Variants in WWC2 observed in about 807,000 individuals in gnomAD.
WWC2 encodes protein WWC2.
A neutral mutation model predicts 138.5 loss-of-function variants in WWC2; 101 were observed. That is an observed-to-expected ratio of 0.73 (90% CI 0.62 to 0.86). The LOEUF (loss-of-function observed/expected upper bound fraction) is 0.86, where lower values mean the gene tolerates loss of function less well. Ranked by LOEUF, WWC2 falls within the 40% of genes least tolerant of loss-of-function variation. The pLI is 0.00. For missense variants in WWC2, 1,420 were observed against 1,419.4 expected, an observed-to-expected ratio of 1.00 and a Z score of -0.01; for synonymous variants, 558 against 538.4, an observed-to-expected ratio of 1.04 and a Z score of -0.50.
At chr4:183,139,984 G>A (rs993697695) in intron 1 of WWC2, among the ~76,000 whole-genome samples, 22 of 152,056 alleles carry the variant, frequency 1.4e-4, no homozygotes, top group African/African-American at 4.8e-5. Context: ...GGCCAATTTC[G>A]TATTTTTAGT....
At chr4:183,134,506 A>G (rs1178055417) in intron 1 of WWC2, among the ~76,000 whole-genome samples, 2 of 152,078 alleles carry the variant, frequency 1.3e-5, no homozygotes, top group Admixed American at 1.3e-4. Flanking sequence ...ATTTTCTTTT[A>G]CCCCTAACTA....
At chr4:183,105,780 C>G (rs1743333536) in intron 1 of WWC2, among the ~76,000 whole-genome samples, 2 of 151,800 alleles carry the variant, frequency 1.3e-5, no homozygotes, top group East Asian at 3.9e-4. Context: ...GTCCCAGCTA[C>G]TTGGGTGGCT....
At chr4:183,247,648 C>CTATATATACTATATACTA (rs1436358243) in intron 6 of WWC2, among the ~76,000 whole-genome samples, 1 of 128,580 alleles carries the variant, frequency 7.8e-6, no homozygotes, top group African/African-American at 3.4e-5. Context: ...ACTATATATA[C>CTATATATACTATATACTA]TATATACTAT....
rs1560843941 is a variant in WWC2, at chr4:183,208,930, T to C, written c.446-19T>C. ...ATGCAACTTGTAAATAATTAGTTTTTCTTTTTTCTCTATAAAAGTATTCTC... is the reference window on the plus strand; with the variant it reads ...ATGCAACTTGTAAATAATTAGTTTTCCTTTTTTCTCTATAAAAGTATTCTC... On this transcript the variant is annotated intron_variant, in intron 3 of 22. Transcript: ENST00000403733. The C allele has an allele frequency of 1.3e-6, 2 of 1,498,330 alleles. No homozygotes were observed. The highest frequency in any genetic ancestry group is 1.8e-6 in the Non-Finnish European group (2 of 1,102,458). 92.8% of individuals were successfully genotyped at this position (1,498,330 alleles called of 1,614,324 possible). A position where few individuals can be genotyped will look rare whatever the true frequency, so the allele number is the denominator to read the frequency against.
intron 21 of WWC2, among the ~76,000 whole-genome samples, chr4:183,311,069 T>C (rs10007560): frequency 0.8 from 121,103 of 152,042 alleles, 48,658 homozygotes; most frequent in Middle Eastern, 0.88. Context: ...TGACCCCAGG[T>C]TGTATGACCT....
intron 5 of WWC2, 119 bp downstream of exon 5, chr4:183,240,381 T>A: frequency 1.3e-5 from 8 of 627,038 alleles, no homozygotes; most frequent in South Asian, 5.2e-5. Flanking sequence ...GTAAAAAAGT[T>A]CAGAGCTCTA....
rs761158053 is a variant in WWC2, at chr4:183,269,118, G to A, written c.2355G>A (p.Arg785=). The change falls in exon 15 of 23, where the codon AGG becomes AGA. Residue 785 remains arginine (R), a synonymous_variant. Transcript: ENST00000403733. ...SQTALQQKTL[R]VDLCSVSKHR... is the part of the protein sequence containing the mutation. ...CAGCCTTACAACAGAAGACACTGAG[G>A]GTAGACCTTTGCTCTGTCAGTAAAC... 1.6e-5 allele frequency: 26 copies of A among 1,613,750 alleles called. No individual in the cohort carries two copies. In the South Asian group the frequency reaches 2.9e-4, roughly 18 times the overall value.
intron 1 of WWC2, among the ~76,000 whole-genome samples, chr4:183,187,170 A>T (rs1445337147): frequency 1.3e-5 from 2 of 152,102 alleles, no homozygotes; most frequent in African/African-American, 4.8e-5. Context: ...CACAGACAGG[A>T]TCTAAAACAC....
rs150395822 is a variant in WWC2 at position 183,298,241 on chromosome 4, T to A, written c.3384+8606T>A. On this transcript the variant is annotated intron_variant, in intron 21 of 22. Coordinates refer to ENST00000403733, the MANE Select transcript of WWC2 (RefSeq NM_024949.6). ...TATTCAGCTTTCTCCATGCCATAGC[T>A]ATTGTTTTTCTAGATCACTACTGTG... Among the ~76,000 whole-genome samples the A allele has an allele frequency of 1.8e-3, 269 of 152,358 alleles. 2 individuals carry two copies. Among genetic ancestry groups the A allele is most frequent in the African/African-American group, 6.2e-3 (256 of 41,580 alleles).
chr4:183,301,615 TAAAG>T (rs1310720145), intron 21 of WWC2, among the ~76,000 whole-genome samples: 4 of 152,222 alleles, frequency 2.6e-5, no homozygotes, highest in African/African-American at 9.6e-5. Flanking sequence ...ATTTGCTGAA[TAAAG>T]AGTTTTCATA....
chr4:183,268,375 G>T (rs1737576599), intron 14 of WWC2, among the ~76,000 whole-genome samples: 1 of 152,182 alleles, frequency 6.6e-6, no homozygotes, highest in Non-Finnish European at 1.5e-5. Context: ...CAAAGCACGG[G>T]ACTCTTAAAA....
In WWC2 at chr4:183,312,400, A is replaced by T; in HGVS notation, c.3444A>T (p.Gln1148His). The change falls in exon 22 of 23, where the codon CAA (glutamine) becomes CAT (histidine). Residue 1148 changes from glutamine (Q) to histidine (H), a missense_variant. Transcript: ENST00000403733. Reference protein sequence around the residue: ...QGLNAEKLMRQVSKDVCRLRE... With the variant: ...QGLNAEKLMRHVSKDVCRLRE... ...TGAATGCAGAGAAGTTGATGAGGCA[A>T]GTCTCCAAGGACGTGTGTCGGCTCC... The T allele has an allele frequency of 6.2e-7, 1 of 1,613,840 alleles. No individual in the cohort carries two copies. The highest frequency in any genetic ancestry group is 8.5e-7 in the Non-Finnish European group (1 of 1,179,784).
chr4:183,233,627 AT>A (rs1253095693), intron 4 of WWC2: 1 of 152,172 alleles, frequency 6.6e-6, no homozygotes, highest in African/African-American at 2.4e-5. Flanking sequence ...AAAAAAAATA[AT>A]TGTGTTTAGC....
At chr4:183,184,668 A>G (rs1186074911) in intron 1 of WWC2, among the ~76,000 whole-genome samples, 1 of 152,138 alleles carries the variant, frequency 6.6e-6, no homozygotes, top group Non-Finnish European at 1.5e-5. Flanking sequence ...TTTTTTAATG[A>G]TAGCCATCAT....
chr4:183,171,754 G>C (rs966400598), intron 1 of WWC2, among the ~76,000 whole-genome samples: 1 of 152,166 alleles, frequency 6.6e-6, no homozygotes, highest in African/African-American at 2.4e-5. Context: ...ATATTTAAAA[G>C]TTTCTTTTGG....
chr4:183,240,168 G>C lies in WWC2; in HGVS notation c.523-15G>C. The C allele has an allele frequency of 7.8e-6, 12 of 1,530,538 alleles. No homozygotes were observed. Among genetic ancestry groups the C allele is most frequent in the East Asian group, 2.5e-5 (1 of 40,696 alleles). The allele number at this position is 1,530,538 out of a possible 1,614,324, so 94.8% of individuals were successfully genotyped here. On this transcript the variant is annotated splice_polypyrimidine_tract_variant and intron_variant, in intron 4 of 22. Transcript: ENST00000403733. ...ATCTGCAAACATTAATGTTTATGTT[G>C]ATTTCTCTTTAAAGGTTAAAAAGCT...
At chr4:183,183,240 A>G (rs1203892970) in intron 1 of WWC2, among the ~76,000 whole-genome samples, 1 of 152,298 alleles carries the variant, frequency 6.6e-6, no homozygotes, top group South Asian at 2.1e-4. Flanking sequence ...TTGCATAGGT[A>G]AACGTGTGCC....
chr4:183,157,962 A>T (rs1733854574), intron 1 of WWC2, among the ~76,000 whole-genome samples: 1 of 151,892 alleles, frequency 6.6e-6, no homozygotes, highest in African/African-American at 2.4e-5. Context: ...CCCAAGGTGT[A>T]TTTTTAAGTT....
intron 1 of WWC2, among the ~76,000 whole-genome samples, chr4:183,140,658 A>G (rs1733274695): frequency 6.6e-6 from 1 of 152,206 alleles, no homozygotes; most frequent in African/African-American, 2.4e-5. Context: ...AAGAAGCATT[A>G]TTTTTAATAA....
Sources: gnomAD v4.1 joint callset for allele counts (sites outside exome capture counted in the v4.1 genomes callset) on GRCh38, gnomAD v4.1.1 for gene constraint, MANE v1.5 for transcripts, NCBI Gene and HGNC (gene_info 2026-07-23, HGNC 2026-07-21) for gene names.